Variants in DMD observed in about 807,000 individuals in gnomAD.
The protein encoded by DMD is mutant dystrophin.
DMD carries 63 observed loss-of-function variants against 330.1 expected under a neutral mutation model. The ratio of observed to expected loss-of-function variants is 0.19; its 90% confidence interval spans 0.16 to 0.24. The LOEUF (loss-of-function observed/expected upper bound fraction) is 0.24, where lower values mean the gene tolerates loss of function less well. Among genes scored for constraint, DMD ranks in the 10% least tolerant of loss-of-function variants. DMD has a pLI of 1.00. For synonymous variants in DMD, 1,223 were observed against 959.8 expected, an observed-to-expected ratio of 1.27 and a Z score of -5.07; for missense variants, 3,344 against 2,684.1, an observed-to-expected ratio of 1.25 and a Z score of -5.43.
At chrX:33,224,573 G>A (rs1259099969) in intron 1 of DMD, among the ~76,000 whole-genome samples, 2 of 111,253 alleles carry the variant, frequency 1.8e-5, no homozygotes, top group African/African-American at 3.3e-5. Flanking sequence ...AGTTGGCAGG[G>A]AGGCATGACT....
At chrX:31,673,991 G>A (rs1015471028) in intron 53 of DMD, among the ~76,000 whole-genome samples, 1 of 111,369 alleles carries the variant, frequency 9.0e-6, no homozygotes, top group African/African-American at 3.3e-5. Flanking sequence ...AGAACAAAAG[G>A]GAATAAAGAA....
intron 41 of DMD, among the ~76,000 whole-genome samples, chrX:32,326,284 T>TA (rs1201402031): frequency 3.5e-4 from 39 of 112,265 alleles, no homozygotes; most frequent in Non-Finnish European, 6.8e-4. Flanking sequence ...AGCAGGCAGT[T>TA]AAAAAAACAC....
At chrX:31,653,856 A>T (rs904032838) in intron 54 of DMD, among the ~76,000 whole-genome samples, 9 of 111,847 alleles carry the variant, frequency 8.0e-5, no homozygotes, top group African/African-American at 2.9e-4. Flanking sequence ...AAGGAAAACA[A>T]CATATTTTCC....
chrX:32,804,872 C>T (rs1345075084), intron 7 of DMD, among the ~76,000 whole-genome samples: 1 of 112,136 alleles, frequency 8.9e-6, no homozygotes, highest in Non-Finnish European at 1.9e-5. Context: ...AGCAAACCTG[C>T]AGCAGAGGGG....
At chrX:32,664,740 T>A (rs1464387052) in intron 9 of DMD, among the ~76,000 whole-genome samples, 1 of 111,883 alleles carries the variant, frequency 8.9e-6, no homozygotes, top group Non-Finnish European at 1.9e-5. Context: ...TAGGAATGTA[T>A]AAAAAGTTGT....
In DMD at chrX:32,583,407, G is replaced by C. The variant is rs887680338; in HGVS notation, c.1603-9561C>G. Among the ~76,000 whole-genome samples the C allele has an allele frequency of 2.7e-5, 3 of 111,562 alleles. No homozygotes were observed. In the Admixed American group the frequency reaches 2.9e-4, roughly 11 times the overall value. ...CCAGCTATTCAGGAGGTTGAGGCAG[G>C]AGAATTGCTTGAACCAGGGAGGCGG... On this transcript the variant is annotated intron_variant, in intron 13 of 78. Coordinates refer to ENST00000357033, the MANE Select transcript of DMD (RefSeq NM_004006.3).
chrX:32,363,052 A>T (rs2097842804), intron 36 of DMD, 94 bp from the exon 37 acceptor site: 1 of 839,503 alleles, frequency 1.2e-6, no homozygotes, highest in Non-Finnish European at 1.7e-6. Flanking sequence ...TGAGCAAGTG[A>T]GCGAGAAGAG....
intron 44 of DMD, among the ~76,000 whole-genome samples, chrX:32,193,077 T>A (rs1338235791): frequency 9.0e-6 from 1 of 111,342 alleles, no homozygotes; most frequent in East Asian, 2.8e-4. Flanking sequence ...ACGTGTGTGG[T>A]ACTTCATTCT....
intron 50 of DMD, among the ~76,000 whole-genome samples, chrX:31,815,570 A>G (rs760029004): frequency 2.7e-5 from 3 of 111,770 alleles, no homozygotes; most frequent in African/African-American, 6.5e-5. Context: ...ACGCATGGTA[A>G]TTTTTGAGAA....
At chrX:32,866,939 T>C (rs928959703) in intron 2 of DMD, among the ~76,000 whole-genome samples, 16 of 111,307 alleles carry the variant, frequency 1.4e-4, no homozygotes, top group Non-Finnish European at 2.6e-4. Flanking sequence ...TTTCACCACA[T>C]TGGCCAGGCC....
chrX:32,167,198 T>C (rs1173193452), intron 44 of DMD, among the ~76,000 whole-genome samples: 1 of 112,432 alleles, frequency 8.9e-6, no homozygotes, highest in East Asian at 2.8e-4. Flanking sequence ...CACAAAATAA[T>C]AGTTCACTTA....
intron 60 of DMD, among the ~76,000 whole-genome samples, chrX:31,405,290 T>C (rs1318056703): frequency 9.0e-6 from 1 of 111,711 alleles, no homozygotes; most frequent in Admixed American, 9.5e-5. Context: ...CAATGAAAAA[T>C]TAGAACAGAA....
At chrX:31,794,485 T>C (rs1305656190) in intron 50 of DMD, among the ~76,000 whole-genome samples, 5 of 111,870 alleles carry the variant, frequency 4.5e-5, no homozygotes, top group Non-Finnish European at 9.4e-5. Context: ...GCTTCACCGA[T>C]TAAATTATTA....
intron 18 of DMD, among the ~76,000 whole-genome samples, chrX:32,511,534 A>AGG (rs2045331164): frequency 1.9e-5 from 2 of 106,954 alleles, no homozygotes; most frequent in Non-Finnish European, 3.9e-5. Context: ...GAAAAAAAAA[A>AGG]AAAAAAAAAA....
At chrX:33,096,168 G>T (rs2095160777) in intron 1 of DMD, among the ~76,000 whole-genome samples, 1 of 109,089 alleles carries the variant, frequency 9.2e-6, no homozygotes, top group Non-Finnish European at 1.9e-5. Context: ...TAGAGACGGG[G>T]TTTCACCATG....
At chrX:32,757,451 T>A (rs956288808) in intron 7 of DMD, among the ~76,000 whole-genome samples, 34 of 111,530 alleles carry the variant, frequency 3.0e-4, no homozygotes, top group Non-Finnish European at 9.4e-5. Context: ...CTGATATGGT[T>A]TGGTTGTTTC....
At chrX:32,802,610 G>T in intron 7 of DMD, among the ~76,000 whole-genome samples, 1 of 111,503 alleles carries the variant, frequency 9.0e-6, no homozygotes, top group Middle Eastern at 4.7e-3. Flanking sequence ...TTGGCTGTGG[G>T]TATGTCATAA....
chrX:31,940,063 CT>C (rs1211648790), intron 45 of DMD, among the ~76,000 whole-genome samples: 1 of 111,545 alleles, frequency 9.0e-6, no homozygotes, highest in East Asian at 2.8e-4. Flanking sequence ...CCTCATGGAC[CT>C]TACATCCGAT....
At chrX:32,438,536 G>A in intron 28 of DMD, 146 bp from the exon 29 acceptor site, 1 of 690,524 alleles carries the variant, frequency 1.4e-6, no homozygotes, top group South Asian at 2.6e-5. Context: ...AAAACACCAA[G>A]GAGCATTTTT....
Sources: gnomAD v4.1 joint callset for allele counts (sites outside exome capture counted in the v4.1 genomes callset) on GRCh38, gnomAD v4.1.1 for gene constraint, MANE v1.5 for transcripts, NCBI Gene and HGNC (gene_info 2026-07-23, HGNC 2026-07-21) for gene names.